The following OSBPL10 variants were observed in gnomAD, a reference collection of about 807,000 sequenced individuals.
OSBPL10 encodes the protein oxysterol binding protein like 10.
OSBPL10 carries 49 observed loss-of-function variants against 81.7 expected under a neutral mutation model. The observed-to-expected ratio is 0.60, with a 90% CI of 0.48 to 0.76. The LOEUF (loss-of-function observed/expected upper bound fraction) is 0.76. Among genes scored for constraint, OSBPL10 ranks in the 30% least tolerant of loss-of-function variants. The pLI, the probability that OSBPL10 is intolerant of heterozygous loss-of-function variation, is 0.00. For missense variants in OSBPL10, 923 were observed against 987.8 expected, an observed-to-expected ratio of 0.93 and a Z score of 0.88; for synonymous variants, 419 against 383.6, an observed-to-expected ratio of 1.09 and a Z score of -1.08.
At chr3:31,809,874 T>C (rs1373847878) in intron 4 of OSBPL10, among the ~76,000 whole-genome samples, 2 of 145,992 alleles carry the variant, frequency 1.4e-5, no homozygotes, top group Non-Finnish European at 3.0e-5. Context: ...TGACTCTTTT[T>C]TTTTTTTTTT....
chr3:31,929,490 G>A (rs1413825771), intron 1 of OSBPL10, among the ~76,000 whole-genome samples: 1 of 152,200 alleles, frequency 6.6e-6, no homozygotes, highest in Non-Finnish European at 1.5e-5. Flanking sequence ...GCTCACGCCT[G>A]TAATACCAGC....
chr3:31,881,529 G>A (rs988027293), intron 1 of OSBPL10, among the ~76,000 whole-genome samples: 5 of 151,562 alleles, frequency 3.3e-5, no homozygotes, highest in African/African-American at 4.8e-5. Context: ...CAGGTGCTAC[G>A]ATTTAAAAAA....
At chr3:32,052,198 G>T (rs570182891) in intron 1 of OSBPL10, among the ~76,000 whole-genome samples, 1 of 148,886 alleles carries the variant, frequency 6.7e-6, no homozygotes, top group Non-Finnish European at 1.5e-5. Context: ...AATGAGCAGA[G>T]ATCACACCAC....
chr3:31,752,520 C>A (rs1559449245), intron 4 of OSBPL10, among the ~76,000 whole-genome samples: 1 of 152,110 alleles, frequency 6.6e-6, no homozygotes, highest in Admixed American at 6.6e-5. Flanking sequence ...AATAAAAATT[C>A]TATGGCCTGT....
chr3:31,926,292 C>CCCCCG (rs987421368), intron 1 of OSBPL10, among the ~76,000 whole-genome samples: 23 of 144,496 alleles, frequency 1.6e-4, no homozygotes, highest in Admixed American at 1.3e-3. Flanking sequence ...TGATTTTGCC[C>CCCCCG]CCCCAGAGGA....
At chr3:31,837,879 A>G (rs1322140020) in intron 3 of OSBPL10, among the ~76,000 whole-genome samples, 1 of 152,180 alleles carries the variant, frequency 6.6e-6, no homozygotes, top group Non-Finnish European at 1.5e-5. Context: ...AAATCAATGC[A>G]GAATTGAGAA....
rs991840703 is a variant in OSBPL10, at chr3:31,906,926, G to A, written c.282-27096C>T. On this transcript the variant is annotated intron_variant, in intron 1 of 11. Coordinates refer to ENST00000396556, the MANE Select transcript of OSBPL10 (RefSeq NM_017784.5). ...GCCTGTGAAACCCATTTCTGTAGAAGGTTTTATGTTAAGAGAACTTTTATG... is the reference window on the plus strand; with the variant it reads ...GCCTGTGAAACCCATTTCTGTAGAAAGTTTTATGTTAAGAGAACTTTTATG... 5.3e-5 allele frequency: 8 copies of A among 152,308 alleles called. No homozygotes were observed. In the South Asian group the frequency reaches 1.5e-3, roughly 28 times the overall value. The allele number at this position is 152,308 out of a possible 1,614,324, so 9.4% of individuals were successfully genotyped here.
intron 3 of OSBPL10, among the ~76,000 whole-genome samples, chr3:31,859,990 G>A (rs1701019331): frequency 6.6e-6 from 1 of 152,124 alleles, no homozygotes; most frequent in African/African-American, 2.4e-5. Flanking sequence ...TCCAATAACA[G>A]TTCCATTTGG....
At chr3:31,864,367 G>C (rs1184238570) in intron 3 of OSBPL10, among the ~76,000 whole-genome samples, 1 of 151,988 alleles carries the variant, frequency 6.6e-6, no homozygotes, top group Non-Finnish European at 1.5e-5. Context: ...TCAGCCTCCT[G>C]AGTAGCTGGT....
intron 4 of OSBPL10, among the ~76,000 whole-genome samples, chr3:31,801,835 T>C (rs1699389041): frequency 6.6e-6 from 1 of 152,052 alleles, no homozygotes. Context: ...GTTGTTTTTT[T>C]TTTTAAGATG....
In OSBPL10 at chr3:32,061,815, T is replaced by G. The variant is rs1209668212; in HGVS notation, n.186-15212A>C. Among the ~76,000 whole-genome samples the G allele has an allele frequency of 1.1e-4, 10 of 91,872 alleles. 4 individuals carry two copies. The highest frequency in any genetic ancestry group is 2.9e-4 in the Non-Finnish European group (10 of 34,364). 60.3% of individuals were successfully genotyped at this position (91,872 alleles called of 152,430 possible). ...CACCATGCCTGACTTATTTTTTTAT[T>G]TTTTATAGAGCCAGAGTCTTACTGT... On this transcript the variant is annotated intron_variant and non_coding_transcript_variant, in intron 1 of 3. Transcript: ENST00000479173.
chr3:32,051,650 A>G (rs1699670814), intron 1 of OSBPL10, among the ~76,000 whole-genome samples: 1 of 152,204 alleles, frequency 6.6e-6, no homozygotes, highest in Non-Finnish European at 1.5e-5. Flanking sequence ...ATGCCTGCTT[A>G]CTAGGTCCTA....
chr3:31,845,874 T>C (rs1472355931), intron 3 of OSBPL10, among the ~76,000 whole-genome samples: 3 of 152,320 alleles, frequency 2.0e-5, no homozygotes, highest in Middle Eastern at 3.4e-3. Flanking sequence ...TTCTTTGGCT[T>C]ACCTGTGCAT....
rs772212422 is a variant in OSBPL10 at position 31,953,892 on chromosome 3, G to A, written c.281+27007C>T. Among the ~76,000 whole-genome samples the A allele has an allele frequency of 1.1e-3, 160 of 152,210 alleles. 8 individuals are homozygous for A. The highest frequency in any genetic ancestry group is 3.2e-4 in the Non-Finnish European group (22 of 68,036). On this transcript the variant is annotated intron_variant, in intron 1 of 11. Transcript: ENST00000396556. ...GAGAAATGAAAGAGGAGGAGAGAAG[G>A]AACTGGGGCAAGAGGCAACAGAATG...
At chr3:31,890,582 G>A (rs1695866455) in intron 1 of OSBPL10, among the ~76,000 whole-genome samples, 1 of 152,094 alleles carries the variant, frequency 6.6e-6, no homozygotes, top group Non-Finnish European at 1.5e-5. Flanking sequence ...ACCAGAATAA[G>A]TCAAAGTGAA....
chr3:32,013,295 C>A (rs1044436357), intron 2 of OSBPL10, among the ~76,000 whole-genome samples: 2 of 152,198 alleles, frequency 1.3e-5, no homozygotes, highest in African/African-American at 4.8e-5. Context: ...GAAACTCACT[C>A]AAAACCATTC....
intron 8 of OSBPL10, among the ~76,000 whole-genome samples, chr3:31,681,936 A>G (rs1700660497): frequency 6.6e-6 from 1 of 152,056 alleles, no homozygotes; most frequent in African/African-American, 2.4e-5. Flanking sequence ...TCTTCCTTCA[A>G]AGTAGCCCAA....
At chr3:32,011,183 G>A (rs1699252700) in intron 2 of OSBPL10, among the ~76,000 whole-genome samples, 2 of 152,178 alleles carry the variant, frequency 1.3e-5, no homozygotes, top group South Asian at 4.1e-4. Flanking sequence ...TAACTGGGAG[G>A]CACCCCCCAG....
intron 10 of OSBPL10, among the ~76,000 whole-genome samples, chr3:31,665,298 A>C (rs1700162541): frequency 6.6e-6 from 1 of 152,212 alleles, no homozygotes; most frequent in Non-Finnish European, 1.5e-5. Context: ...CGGATTTCAC[A>C]GACAAGGAAC....
Sources: allele counts gnomAD v4.1 joint callset (sites outside exome capture counted in the v4.1 genomes callset), GRCh38; gene constraint gnomAD v4.1.1; transcripts MANE v1.5; gene names NCBI Gene and HGNC (gene_info 2026-07-23, HGNC 2026-07-21).